Variants in NR3C2 observed in about 807,000 individuals in gnomAD.
NR3C2 encodes mineralocorticoid receptor.
A neutral mutation model predicts 86.4 loss-of-function variants in NR3C2; 15 were observed. The ratio of observed to expected loss-of-function variants is 0.17; its 90% CI spans 0.12 to 0.27. The LOEUF is 0.27. Among genes scored for constraint, NR3C2 ranks in the 10% least tolerant of loss-of-function variants. The pLI is 1.00. For synonymous variants in NR3C2, 458 were observed against 450.5 expected (o/e 1.02, Z -0.21); for missense variants, 960 against 1,195.6 (o/e 0.80, Z 2.91).
intron 2 of NR3C2, among the ~76,000 whole-genome samples, chr4:148,419,428 T>C (rs1019873598): frequency 1.3e-5 from 2 of 152,178 alleles, no homozygotes; most frequent in Non-Finnish European, 2.9e-5. Flanking sequence ...TATAAATTTG[T>C]TAGTAATTCT....
intron 8 of NR3C2, among the ~76,000 whole-genome samples, chr4:148,108,771 G>A (rs1731918271): frequency 1.3e-5 from 2 of 152,180 alleles, no homozygotes; most frequent in Admixed American, 6.5e-5. Context: ...AGCTCATGTT[G>A]AGGCCAACTA....
At chr4:148,412,532 G>C (rs915537313) in intron 2 of NR3C2, among the ~76,000 whole-genome samples, 1 of 152,016 alleles carries the variant, frequency 6.6e-6, no homozygotes, top group Non-Finnish European at 1.5e-5. Context: ...AATTTAATTG[G>C]AAGAGAGATG....
chr4:148,336,300 G>A (rs773394081), intron 2 of NR3C2, among the ~76,000 whole-genome samples: 1 of 152,182 alleles, frequency 6.6e-6, no homozygotes, highest in Non-Finnish European at 1.5e-5. Flanking sequence ...AGGGCTACAT[G>A]CTAGGATTAT....
intron 2 of NR3C2, among the ~76,000 whole-genome samples, chr4:148,427,128 T>G (rs1749581684): frequency 6.6e-6 from 1 of 152,032 alleles, no homozygotes; most frequent in Non-Finnish European, 1.5e-5. Context: ...CTAATTTTTG[T>G]ATTTTTAGTA....
At chr4:148,265,597 CACTT>C (rs200262733) in intron 2 of NR3C2, among the ~76,000 whole-genome samples, 1,681 of 152,280 alleles carry the variant, frequency 0.011, 31 homozygotes, top group African/African-American at 0.038. Context: ...TTTTTAAACT[CACTT>C]AATATGAATT....
chr4:148,435,044 T>C (rs1336071888), intron 2 of NR3C2, 60 bp downstream of exon 2: 3 of 1,487,062 alleles, frequency 2.0e-6, no homozygotes, highest in South Asian at 2.3e-5. Flanking sequence ...GTAAAGATAA[T>C]GCTAACCTTC....
In NR3C2 at chr4:148,203,174, G is replaced by A. The variant is rs191711816; in HGVS notation, c.1898-8312C>T. Among the ~76,000 whole-genome samples, 8 of 152,120 alleles carry A rather than the reference G, an allele frequency of 5.3e-5. No individual in the cohort carries two copies. In the East Asian group the frequency reaches 1.4e-3, roughly 26 times the overall value. ...ATGCCAGAGCCATTAATAAATCTGA[G>A]GGTTTGGTTGTTGTTGCTGTTCATT... is the stretch of plus-strand genomic sequence containing the variant. On this transcript the variant is annotated intron_variant, in intron 3 of 8. Coordinates refer to ENST00000358102, the MANE Select transcript of NR3C2 (RefSeq NM_000901.5).
At chr4:148,138,981 T>C (rs996839984) in intron 6 of NR3C2, among the ~76,000 whole-genome samples, 1 of 152,226 alleles carries the variant, frequency 6.6e-6, no homozygotes, top group African/African-American at 2.4e-5. Context: ...TACCATGAGA[T>C]GATGCGGCAG....
chr4:148,322,833 C>A lies in NR3C2; in HGVS notation c.1758-62716G>T, dbSNP rs1380910737. On this transcript the variant is annotated intron_variant, in intron 2 of 8. Coordinates refer to ENST00000358102, the MANE Select transcript of NR3C2 (RefSeq NM_000901.5). ...TTTGCCTTTGGTTTGAATGTCCTCCCGTAGCTCAGAGTAATTTGATCGTCT... is the reference window on the plus strand; with the variant it reads ...TTTGCCTTTGGTTTGAATGTCCTCCAGTAGCTCAGAGTAATTTGATCGTCT... 7.5e-5 allele frequency among the ~76,000 whole-genome samples: 7 copies of A among 93,606 alleles called. 2 individuals are homozygous for A. The highest frequency in any genetic ancestry group is 3.1e-4 in the African/African-American group (7 of 22,886). The allele number at this position is 93,606 out of a possible 152,430, so 61.4% of individuals were successfully genotyped here. A position where few individuals can be genotyped will look rare whatever the true frequency, so the allele number is the denominator to read the frequency against.
intron 2 of NR3C2, among the ~76,000 whole-genome samples, chr4:148,274,568 G>A (rs1185155876): frequency 6.6e-6 from 1 of 152,128 alleles, no homozygotes; most frequent in Admixed American, 6.6e-5. Context: ...CTGCTGCCAT[G>A]TAAGACGTGC....
chr4:148,418,034 T>C (rs551838503), intron 2 of NR3C2, among the ~76,000 whole-genome samples: 79 of 152,274 alleles, frequency 5.2e-4, no homozygotes, highest in African/African-American at 1.7e-3. Context: ...TGCCAAGTAA[T>C]TTGTTAATAA....
chr4:148,317,878 C>CT (rs146579891), intron 2 of NR3C2, among the ~76,000 whole-genome samples: 33,088 of 149,602 alleles, frequency 0.22, 3,809 homozygotes, highest in Non-Finnish European at 0.26. Context: ...TTTTCTTTTT[C>CT]TTTTTTTTTA....
chr4:148,423,202 A>G (rs890783345), intron 2 of NR3C2, among the ~76,000 whole-genome samples: 3 of 145,488 alleles, frequency 2.1e-5, no homozygotes, highest in African/African-American at 5.1e-5. Context: ...TAACCTTTCT[A>G]CCCCCTTTTA....
chr4:148,356,536 C>T (rs1057315019), intron 2 of NR3C2, among the ~76,000 whole-genome samples: 6 of 152,120 alleles, frequency 3.9e-5, no homozygotes, highest in Admixed American at 6.6e-5. Context: ...TACATGTAAA[C>T]GTATCGGGAG....
At chr4:148,203,298 G>A (rs1736824947) in intron 3 of NR3C2, among the ~76,000 whole-genome samples, 1 of 151,238 alleles carries the variant, frequency 6.6e-6, no homozygotes, top group Non-Finnish European at 1.5e-5. Flanking sequence ...CAGACCTTAT[G>A]TACAATGTAA....
At chr4:148,158,037 C>G (rs1734484250) in intron 4 of NR3C2, among the ~76,000 whole-genome samples, 1 of 152,150 alleles carries the variant, frequency 6.6e-6, no homozygotes, top group African/African-American at 2.4e-5. Flanking sequence ...AATTTATAGA[C>G]TATCTCTTTA....
chr4:148,184,142 C>A (rs1735771214), intron 4 of NR3C2, among the ~76,000 whole-genome samples: 1 of 152,016 alleles, frequency 6.6e-6, no homozygotes. Context: ...CCTTAGAACA[C>A]CCTATGAGGT....
At position 148,178,162 on chromosome 4, in the gene NR3C2, AC is replaced by A. The variant is rs1338924922; in HGVS notation, c.2014+16583del. The stretch of plus-strand genomic sequence containing the variant: ...ACACCAGTCTGGCAAACATGGTGAA[AC>A]CCTCATCTCTACTAAAAATTAGCTG... On this transcript the variant is annotated intron_variant, in intron 4 of 8. Transcript: ENST00000358102. Among the ~76,000 whole-genome samples the A allele has an allele frequency of 2.0e-5, 3 of 146,736 alleles. 1 individual carries two copies. Among genetic ancestry groups the A allele is most frequent in the Admixed American group, 2.0e-4 (3 of 15,106 alleles).
chr4:148,144,893 G>GC (rs1733793218), intron 6 of NR3C2, among the ~76,000 whole-genome samples: 1 of 152,166 alleles, frequency 6.6e-6, no homozygotes. Flanking sequence ...GTCTCCAAGG[G>GC]CCAGGTAGGA....
Sources: gnomAD v4.1 joint callset for allele counts (sites outside exome capture counted in the v4.1 genomes callset) on GRCh38, gnomAD v4.1.1 for gene constraint, MANE v1.5 for transcripts, NCBI Gene and HGNC (gene_info 2026-07-23, HGNC 2026-07-21) for gene names.